CMKLR2: variants seen among roughly 807,000 people sequenced by gnomAD.
CMKLR2 encodes chemerin chemokine-like receptor 2.
CMKLR2 carries 18 observed loss-of-function variants against 23.0 expected under a neutral mutation model. The observed-to-expected ratio is 0.78, with a 90% confidence interval of 0.54 to 1.16. The LOEUF (loss-of-function observed/expected upper bound fraction) is 1.16. Ranked by LOEUF, CMKLR2 falls within the 50% of genes most tolerant of loss-of-function variation. The pLI is 0.00. For missense variants in CMKLR2, 401 were observed against 412.7 expected, an observed-to-expected ratio of 0.97 and a Z score of 0.25; for synonymous variants, 158 against 158.9, an observed-to-expected ratio of 0.99 and a Z score of 0.05.
At chr2:206,181,071 A>T (rs895010832) in intron 1 of CMKLR2, among the ~76,000 whole-genome samples, 2 of 149,818 alleles carry the variant, frequency 1.3e-5, no homozygotes, top group Non-Finnish European at 3.0e-5. Context: ...TATTATTATT[A>T]TTGAGACCAA....
At chr2:206,212,763 A>T in intron 1 of CMKLR2, among the ~76,000 whole-genome samples, 1 of 152,190 alleles carries the variant, frequency 6.6e-6, no homozygotes, top group East Asian at 1.9e-4. Flanking sequence ...GGCCCAACAA[A>T]CCACAAGCCT....
intron 1 of CMKLR2, among the ~76,000 whole-genome samples, chr2:206,197,781 G>A (rs938138806): frequency 2.0e-5 from 3 of 151,998 alleles, no homozygotes; most frequent in African/African-American, 7.3e-5. Context: ...CTTCCACCTC[G>A]GCCTCCCAAA....
intron 1 of CMKLR2, among the ~76,000 whole-genome samples, chr2:206,209,355 A>T (rs1033338629): frequency 5.3e-5 from 8 of 150,830 alleles, no homozygotes; most frequent in African/African-American, 1.7e-4. Flanking sequence ...AAAAAAAAGC[A>T]CTTTTTTGTT....
chr2:206,184,138 C>T (rs1688499695), intron 1 of CMKLR2, among the ~76,000 whole-genome samples: 1 of 152,272 alleles, frequency 6.6e-6, no homozygotes. Flanking sequence ...ATGTGTTACG[C>T]TGATCTCTGC....
intron 1 of CMKLR2, among the ~76,000 whole-genome samples, chr2:206,204,966 G>A (rs1221271017): frequency 4.0e-5 from 6 of 151,898 alleles, no homozygotes; most frequent in Admixed American, 2.6e-4. Context: ...ATGAATATCA[G>A]TACAACATAA....
rs758419463 is a variant in CMKLR2, at chr2:206,176,387, G to C, written c.861C>G (p.Pro287=). The change falls in exon 2 of 2, where the codon CCC becomes CCG. Residue 287 remains proline, a synonymous_variant. Coordinates refer to ENST00000621141, the MANE Select transcript of CMKLR2 (RefSeq NM_001389445.1). ...YSHHVMQAGI[P]LSTGLAFLNS... ...TGAGGAATGCCAAACCAGTGGAGAG[G>C]GGGATTCCAGCCTGCATCACATGGT... The C allele has an allele frequency of 7.4e-6, 12 of 1,614,044 alleles. No individual in the cohort carries two copies. The highest frequency in any genetic ancestry group is 6.7e-5 in the Admixed American group (4 of 59,988).
chr2:206,188,651 G>C (rs1688655326), intron 1 of CMKLR2, among the ~76,000 whole-genome samples: 1 of 152,166 alleles, frequency 6.6e-6, no homozygotes, highest in African/African-American at 2.4e-5. Context: ...ATGTTCCAAA[G>C]AAAGTGAAGG....
intron 1 of CMKLR2, among the ~76,000 whole-genome samples, chr2:206,185,700 G>A (rs548843057): frequency 6.6e-6 from 1 of 152,328 alleles, no homozygotes; most frequent in Admixed American, 6.5e-5. Flanking sequence ...GAAAATTATT[G>A]CAATAATCCT....
chr2:206,211,734 AC>A (rs1449181732), intron 1 of CMKLR2, among the ~76,000 whole-genome samples: 12 of 151,294 alleles, frequency 7.9e-5, no homozygotes, highest in Non-Finnish European at 1.3e-4. Flanking sequence ...CATATATAAA[AC>A]AAAACAAAAA....
intron 1 of CMKLR2, among the ~76,000 whole-genome samples, chr2:206,196,381 A>G (rs1688920921): frequency 6.8e-6 from 1 of 147,222 alleles, no homozygotes; most frequent in Non-Finnish European, 1.5e-5. Context: ...CAAAAAAATA[A>G]ATAAAAATAA....
chr2:206,214,655 G>A (rs1473254557), upstream of CMKLR2, among the ~76,000 whole-genome samples: 5 of 150,842 alleles, frequency 3.3e-5, no homozygotes, highest in Non-Finnish European at 7.4e-5. Flanking sequence ...ACGGAGTCTC[G>A]CTCTGTTGCC....
At position 206,206,514 on chromosome 2, in the gene CMKLR2, G is replaced by T. The variant is rs529508198; in HGVS notation, c.-29+6793C>A. Among the ~76,000 whole-genome samples, 465 of 152,334 alleles carry T rather than the reference G, an allele frequency of 3.1e-3. 3 individuals carry two copies. Among genetic ancestry groups the T allele is most frequent in the Non-Finnish European group, 2.8e-3 (193 of 68,034 alleles). On this transcript the variant is annotated intron_variant, in intron 1 of 1. Transcript: ENST00000621141. Reference sequence around the variant, plus strand: ...GAGAAAATCGCGAGCTCTTCTAAAAGGTAAGCGGTACTTTTAGATGTTACT... The same window carrying T: ...GAGAAAATCGCGAGCTCTTCTAAAATGTAAGCGGTACTTTTAGATGTTACT...
At chr2:206,204,524 T>C (rs990885701) in intron 1 of CMKLR2, among the ~76,000 whole-genome samples, 1 of 152,058 alleles carries the variant, frequency 6.6e-6, no homozygotes, top group South Asian at 2.1e-4. Flanking sequence ...AGAGAGCTCA[T>C]TTGTGGTTAC....
intron 1 of CMKLR2, among the ~76,000 whole-genome samples, chr2:206,204,614 AG>A (rs1325796597): frequency 6.6e-6 from 1 of 151,814 alleles, no homozygotes; most frequent in African/African-American, 2.4e-5. Context: ...GCCAGAGTGC[AG>A]TGGCATGATC....
intron 1 of CMKLR2, among the ~76,000 whole-genome samples, chr2:206,209,839 G>A (rs567199381): frequency 5.7e-4 from 86 of 151,456 alleles, no homozygotes; most frequent in African/African-American, 2.0e-3. Flanking sequence ...TAGTAGAGAC[G>A]GAGTTTCACT....
chr2:206,207,284 G>A (rs573428687), intron 1 of CMKLR2, among the ~76,000 whole-genome samples: 7 of 151,800 alleles, frequency 4.6e-5, no homozygotes, highest in Admixed American at 2.0e-4. Context: ...GGGACAACAA[G>A]CATGTGCCAC....
At chr2:206,209,135 G>A (rs111294956) in intron 1 of CMKLR2, among the ~76,000 whole-genome samples, 5,793 of 151,922 alleles carry the variant, frequency 0.038, 166 homozygotes, top group East Asian at 0.12. Context: ...GCCAGGAGTC[G>A]GAGACCAGCC....
At position 206,183,593 on chromosome 2, in the gene CMKLR2, G is replaced by A. The variant is rs564114746; in HGVS notation, c.-28-6318C>T. ...CACATTAGATTTAAGGTGTAGTTCA[G>A]CCTTGGAGAAAAAGCTTCAAGAACA... On this transcript the variant is annotated intron_variant, in intron 1 of 1. Transcript: ENST00000621141. Among the ~76,000 whole-genome samples the A allele has an allele frequency of 2.2e-4, 34 of 152,278 alleles. 1 individual carries two copies. The highest frequency in any genetic ancestry group is 1.6e-3 in the Admixed American group (24 of 15,280).
chr2:206,208,208 G>A (rs898578921), intron 1 of CMKLR2, among the ~76,000 whole-genome samples: 10 of 152,190 alleles, frequency 6.6e-5, no homozygotes, highest in Middle Eastern at 6.8e-3. Flanking sequence ...TGAATGTCTC[G>A]TGAAAGAAGA....
Sources: allele counts gnomAD v4.1 joint callset (sites outside exome capture counted in the v4.1 genomes callset), GRCh38; gene constraint gnomAD v4.1.1; transcripts MANE v1.5; gene names NCBI Gene and HGNC (gene_info 2026-07-23, HGNC 2026-07-21).